UCHL5: variants seen among roughly 807,000 people sequenced by gnomAD.
UCHL5 encodes ubiquitin C-terminal hydrolase L5, also known as ubiquitin carboxyl-terminal hydrolase isozyme L5.
A neutral mutation model predicts 53.8 loss-of-function variants in UCHL5; 34 were observed. That is an observed-to-expected ratio of 0.63 (90% CI 0.48 to 0.84). The LOEUF (loss-of-function observed/expected upper bound fraction) is 0.84. Among genes scored for constraint, UCHL5 ranks in the 40% least tolerant of loss-of-function variants. The pLI is 0.00. For synonymous variants in UCHL5, 111 were observed against 126.3 expected (o/e 0.88, Z 0.81); for missense variants, 290 against 385.6 (o/e 0.75, Z 2.08).
At chr1:193,031,440 T>A (rs1409592023) in intron 3 of UCHL5, among the ~76,000 whole-genome samples, 1 of 152,062 alleles carries the variant, frequency 6.6e-6, no homozygotes, top group African/African-American at 2.4e-5. Context: ...GTAGAAAAAA[T>A]TCTTGTGGTT....
chr1:193,030,495 A>C (rs1660976499), intron 3 of UCHL5, among the ~76,000 whole-genome samples: 1 of 152,222 alleles, frequency 6.6e-6, no homozygotes, highest in Admixed American at 6.5e-5. Flanking sequence ...ACAAGATTAT[A>C]AACCACTTTA....
intron 1 of UCHL5, among the ~76,000 whole-genome samples, chr1:193,055,534 C>T (rs777342904): frequency 6.6e-6 from 1 of 152,196 alleles, no homozygotes; most frequent in East Asian, 1.9e-4. Context: ...CTGCTAGCAT[C>T]TATGAAACTG....
At chr1:193,044,680 G>T (rs1666810419) in intron 3 of UCHL5, among the ~76,000 whole-genome samples, 1 of 151,944 alleles carries the variant, frequency 6.6e-6, no homozygotes, top group Non-Finnish European at 1.5e-5. Context: ...AAATAAATAT[G>T]ATTTCATTAA....
chr1:193,041,983 G>C (rs1665729042), intron 3 of UCHL5, among the ~76,000 whole-genome samples: 1 of 151,814 alleles, frequency 6.6e-6, no homozygotes, highest in South Asian at 2.1e-4. Flanking sequence ...AAATTAGCAG[G>C]GTATGGTGGT....
chr1:193,032,358 C>T (rs912262258), intron 3 of UCHL5, among the ~76,000 whole-genome samples: 1 of 152,180 alleles, frequency 6.6e-6, no homozygotes, highest in East Asian at 1.9e-4. Context: ...CTTCCTTACA[C>T]CATATATAAA....
intron 7 of UCHL5, among the ~76,000 whole-genome samples, chr1:193,024,193 T>C (rs1047632859): frequency 6.6e-6 from 1 of 151,562 alleles, no homozygotes; most frequent in African/African-American, 2.4e-5. Flanking sequence ...CAGTGAGCTA[T>C]GATAGTGCAC....
intron 3 of UCHL5, among the ~76,000 whole-genome samples, chr1:193,030,070 A>G (rs914692635): frequency 2.0e-5 from 3 of 152,206 alleles, no homozygotes; most frequent in African/African-American, 7.2e-5. Flanking sequence ...GTGTGATTGT[A>G]GAGAAATTCT....
At chr1:193,030,474 T>C (rs1371887634) in intron 3 of UCHL5, among the ~76,000 whole-genome samples, 2 of 152,202 alleles carry the variant, frequency 1.3e-5, no homozygotes, top group African/African-American at 4.8e-5. Context: ...TACATACACG[T>C]GGTCTCTCCA....
chr1:193,028,070 T>G lies in UCHL5; in HGVS notation c.629+15A>C, dbSNP rs1264845746. The G allele has an allele frequency of 6.2e-7, 1 of 1,601,464 alleles. No individual in the cohort carries two copies. The highest frequency in any genetic ancestry group is 8.5e-7 in the Non-Finnish European group (1 of 1,177,038). On this transcript the variant is annotated intron_variant, in intron 7 of 10. Transcript: ENST00000367454. ...AAACAGAATATTATGCCAATGAGAT[T>G]AGCTGAGCATTTACTTTTGTATCCT...
Position 193,022,843 on chromosome 1 carries a change from C to T in UCHL5, c.843+83G>A, listed in dbSNP as rs955433206. 9.1e-5 allele frequency: 81 copies of T among 894,630 alleles called. No individual in the cohort carries two copies. In the African/African-American group the frequency reaches 1.2e-3, roughly 13 times the overall value. 55.4% of individuals were successfully genotyped at this position (894,630 alleles called of 1,614,324 possible). The stretch of plus-strand genomic sequence containing the variant: ...ATCTGGTAAATGATAGGAGGGAAAG[C>T]CATCAGATATTCAATGTACCTTCAT... On this transcript the variant is annotated intron_variant, in intron 9 of 10. Transcript: ENST00000367454.
Position 193,016,296 on chromosome 1 carries a change from G to A in UCHL5, c.*55C>T. 1 of 1,588,322 alleles carries A rather than the reference G, an allele frequency of 6.3e-7. No individual in the cohort carries two copies. Among genetic ancestry groups the A allele is most frequent in the Non-Finnish European group, 8.5e-7 (1 of 1,170,146 alleles). ...TTGCTCTAAGTTCTTTATACATAATGGTTTCCATGAAAATATGTGCAGAAG... is the reference window on the plus strand; with the variant it reads ...TTGCTCTAAGTTCTTTATACATAATAGTTTCCATGAAAATATGTGCAGAAG... On this transcript the variant is annotated 3_prime_UTR_variant, in exon 11 of 11. Coordinates refer to ENST00000367454, the MANE Select transcript of UCHL5 (RefSeq NM_001199261.3).
chr1:193,019,594 C>T (rs1402359580), intron 10 of UCHL5, among the ~76,000 whole-genome samples: 1 of 151,652 alleles, frequency 6.6e-6, no homozygotes, highest in Non-Finnish European at 1.5e-5. Context: ...AAGGCAAACA[C>T]AACAGAGTTG....
rs571243784 is a variant in UCHL5, at chr1:193,021,995, G to T, written c.844-800C>A. 2.6e-5 allele frequency among the ~76,000 whole-genome samples: 4 copies of T among 152,136 alleles called. No homozygotes were observed. In the South Asian group the frequency reaches 6.2e-4, roughly 24 times the overall value. On this transcript the variant is annotated intron_variant, in intron 9 of 10. Coordinates refer to ENST00000367454, the MANE Select transcript of UCHL5 (RefSeq NM_001199261.3). ...TATTTTGGGCAGATATTAAAAGTTA[G>T]TTAATTACATAATAAACACATAAGT... is the stretch of plus-strand genomic sequence containing the variant.
intron 7 of UCHL5, among the ~76,000 whole-genome samples, chr1:193,025,389 T>C (rs1175302948): frequency 6.6e-6 from 1 of 152,192 alleles, no homozygotes; most frequent in African/African-American, 2.4e-5. Flanking sequence ...GAATGGGGAC[T>C]TTCATCCCTG....
chr1:193,044,664 C>T (rs903039794), intron 3 of UCHL5, among the ~76,000 whole-genome samples: 8 of 152,020 alleles, frequency 5.3e-5, no homozygotes, highest in Non-Finnish European at 1.2e-4. Context: ...TCTGTATAAC[C>T]TTATCAAATA....
intron 3 of UCHL5, among the ~76,000 whole-genome samples, chr1:193,030,590 A>G (rs1261671392): frequency 6.6e-6 from 1 of 152,236 alleles, no homozygotes; most frequent in African/African-American, 2.4e-5. Context: ...ATCAGTGTGA[A>G]CACCAGCAAG....
intron 9 of UCHL5, 24 bp downstream of exon 9, chr1:193,022,902 A>C (rs1383871550): frequency 4.6e-6 from 7 of 1,519,590 alleles, no homozygotes; most frequent in African/African-American, 1.4e-5. Flanking sequence ...AAAACATTAA[A>C]GGAACACATT....
chr1:193,020,107 A>C, intron 10 of UCHL5: 1 of 985,064 alleles, frequency 1.0e-6, no homozygotes, highest in Non-Finnish European at 1.2e-6. Context: ...AATGGAAAAG[A>C]GAAGATTTAG....
At chr1:193,017,383 T>C (rs961927820) in intron 10 of UCHL5, among the ~76,000 whole-genome samples, 3 of 151,772 alleles carry the variant, frequency 2.0e-5, no homozygotes, top group African/African-American at 7.2e-5. Flanking sequence ...GTAGTATAAT[T>C]ATTATTTAAC....
Sources: allele counts gnomAD v4.1 joint callset (sites outside exome capture counted in the v4.1 genomes callset), GRCh38; gene constraint gnomAD v4.1.1; transcripts MANE v1.5; gene names NCBI Gene and HGNC (gene_info 2026-07-23, HGNC 2026-07-21).